TRIM66: variants seen among roughly 807,000 people sequenced by gnomAD.
TRIM66 encodes the protein tripartite motif-containing protein 66.
In TRIM66, 99 loss-of-function variants were observed where a neutral mutation model predicts 148.2. That is an observed-to-expected ratio of 0.67 (90% CI 0.57 to 0.79). The LOEUF is 0.79. Ranked by LOEUF, TRIM66 falls within the 30% of genes least tolerant of loss-of-function variation. The pLI is 0.00. For missense variants in TRIM66, 1,666 were observed against 1,697.9 expected (o/e 0.98, Z 0.33); for synonymous variants, 616 against 635.9 (o/e 0.97, Z 0.47).
chr11:8,627,998 T>C (rs896522671), intron 15 of TRIM66, among the ~76,000 whole-genome samples: 1 of 152,126 alleles, frequency 6.6e-6, no homozygotes. Context: ...TGGCTAACTT[T>C]TATTTTTTAT....
intron 6 of TRIM66, among the ~76,000 whole-genome samples, chr11:8,669,311 T>C (rs535765919): frequency 1.3e-5 from 2 of 152,292 alleles, no homozygotes; most frequent in African/African-American, 4.8e-5. Context: ...AAATCAATGG[T>C]AATACCTTGC....
intron 15 of TRIM66, among the ~76,000 whole-genome samples, chr11:8,630,533 G>A (rs192218329): frequency 6.6e-6 from 1 of 152,230 alleles, no homozygotes; most frequent in African/African-American, 2.4e-5. Context: ...CTAGTTCAGA[G>A]AGGAAGAGTC....
chr11:8,637,272 G>T (rs2035960448), intron 15 of TRIM66, among the ~76,000 whole-genome samples: 1 of 151,838 alleles, frequency 6.6e-6, no homozygotes, highest in African/African-American at 2.4e-5. Flanking sequence ...GCACCTAGTA[G>T]AATATGGGGC....
intron 23 of TRIM66, 192 bp downstream of exon 23, chr11:8,619,191 C>T: frequency 1.3e-6 from 1 of 744,910 alleles, no homozygotes; most frequent in Non-Finnish European, 2.1e-6. Context: ...TAGTACCTCC[C>T]CTTTTTCCTG....
chr11:8,652,901 G>A (rs2037486365), intron 6 of TRIM66, among the ~76,000 whole-genome samples: 1 of 152,166 alleles, frequency 6.6e-6, no homozygotes, highest in Non-Finnish European at 1.5e-5. Context: ...AAAATACCAG[G>A]CCTACCAGCC....
At chr11:8,677,774 C>T (rs551341171) in intron 3 of TRIM66, among the ~76,000 whole-genome samples, 35 of 152,208 alleles carry the variant, frequency 2.3e-4, no homozygotes, top group African/African-American at 7.2e-4. Flanking sequence ...TCTCTTTTCA[C>T]GTTTTGTTAC....
chr11:8,674,981 G>C (rs969398545), intron 3 of TRIM66, 98 bp from the exon 4 acceptor site: 1 of 152,226 alleles, frequency 6.6e-6, no homozygotes, highest in Non-Finnish European at 1.5e-5. Flanking sequence ...TTTCTTAAAT[G>C]TTATTTATAA....
intron 22 of TRIM66, among the ~76,000 whole-genome samples, chr11:8,619,760 T>C (rs970967611): frequency 6.6e-6 from 1 of 152,194 alleles, no homozygotes; most frequent in African/African-American, 2.4e-5. Flanking sequence ...ACAGTAGCAG[T>C]TGTGGTGGGG....
chr11:8,674,533 C>T (rs1209910095), intron 4 of TRIM66, among the ~76,000 whole-genome samples: 1 of 152,164 alleles, frequency 6.6e-6, no homozygotes, highest in African/African-American at 2.4e-5. Flanking sequence ...GCATGTGCCA[C>T]CACACCCGAC....
chr11:8,662,580 C>A (rs553935833), intron 6 of TRIM66, among the ~76,000 whole-genome samples: 3 of 152,262 alleles, frequency 2.0e-5, no homozygotes, highest in African/African-American at 7.2e-5. Flanking sequence ...TTAGAATTGC[C>A]CAGTCAATTA....
intron 6 of TRIM66, among the ~76,000 whole-genome samples, chr11:8,662,015 C>T (rs2038293702): frequency 6.6e-6 from 1 of 152,198 alleles, no homozygotes; most frequent in Non-Finnish European, 1.5e-5. Context: ...TTCTGGGGTG[C>T]CAGTGCTATT....
intron 10 of TRIM66, among the ~76,000 whole-genome samples, chr11:8,647,695 C>T (rs114901518): frequency 0.015 from 2,349 of 152,198 alleles, 69 homozygotes; most frequent in African/African-American, 0.054. Context: ...TCTCAAGCAC[C>T]GACTTCTGGC....
In TRIM66 at chr11:8,651,830, A is replaced by G. The variant is rs1323498740; in HGVS notation, c.414T>C (p.Cys138=). 1 of 1,551,798 alleles carries G rather than the reference A, an allele frequency of 6.4e-7. No homozygotes were observed. Among genetic ancestry groups the G allele is most frequent in the South Asian group, 1.2e-5 (1 of 84,060 alleles). Residue 138 remains cysteine, a synonymous_variant, in exon 7 of 25, where the codon TGT becomes TGC. Coordinates refer to ENST00000646038, the MANE Select transcript of TRIM66 (RefSeq NM_001388022.1). ...CCATCTTGGGTTGCTCAGTAGGAAC[A>G]CAATGCAGAAAAAAATGTTCAGTTA... The part of the protein sequence containing the change: ...RDVTEHFFLH[C]VPTEQPKMAR...
intron 7 of TRIM66, 89 bp from the exon 8 acceptor site, chr11:8,649,976 G>A (rs1281635731): frequency 2.1e-5 from 30 of 1,432,408 alleles, no homozygotes; most frequent in Non-Finnish European, 2.7e-5. Flanking sequence ...CAGGGGTCCT[G>A]CAGGCCTATT....
chr11:8,651,657 A>G (rs1306789832), intron 7 of TRIM66, 143 bp downstream of exon 7: 11 of 754,358 alleles, frequency 1.5e-5, no homozygotes, highest in Non-Finnish European at 2.6e-5. Flanking sequence ...ATTTTCTTCT[A>G]GATGGATGGA....
In TRIM66 at chr11:8,613,982, G is replaced by T. The variant is rs962609862; in HGVS notation, c.*3962C>A. On this transcript the variant is annotated 3_prime_UTR_variant, in exon 25 of 25. Transcript: ENST00000646038. ...GAATCTGTCATGCATAGCAGCCCAGGAGGTGGAAGCAGCAAATATGATGAT... is the reference window on the plus strand; with the variant it reads ...GAATCTGTCATGCATAGCAGCCCAGTAGGTGGAAGCAGCAAATATGATGAT... 1 of 152,292 alleles carries T rather than the reference G, an allele frequency of 6.6e-6. No homozygotes were observed. The highest frequency in any genetic ancestry group is 2.4e-5 in the African/African-American group (1 of 41,460). The allele number at this position is 152,292 out of a possible 1,614,324, so 9.4% of individuals were successfully genotyped here.
chr11:8,655,654 G>C (rs34867877), intron 6 of TRIM66, among the ~76,000 whole-genome samples: 87,887 of 151,894 alleles, frequency 0.58, 25,939 homozygotes, highest in Non-Finnish European at 0.64. Context: ...GTGGTGGTGG[G>C]CACCCTGTAA....
rs566203538 is a variant in TRIM66 at position 8,651,443 on chromosome 11, T to C, written c.444+357A>G. On this transcript the variant is annotated intron_variant, in intron 7 of 24. Coordinates refer to ENST00000646038, the MANE Select transcript of TRIM66 (RefSeq NM_001388022.1). ...TACATGAATTTCAACTCAGGATGAT[T>C]AAAAAAATAAAACAAAAGCCCAGTA... is the stretch of plus-strand genomic sequence containing the variant. Among the ~76,000 whole-genome samples, 9 of 151,944 alleles carry C rather than the reference T, an allele frequency of 5.9e-5. No homozygotes were observed. The East Asian group carries it at 9.7e-4, about 16-fold the overall frequency.
At chr11:8,657,017 C>G (rs1023236625) in intron 6 of TRIM66, among the ~76,000 whole-genome samples, 1 of 152,172 alleles carries the variant, frequency 6.6e-6, no homozygotes, top group African/African-American at 2.4e-5. Flanking sequence ...CTACCAAGAC[C>G]GCTGCTGGGA....
Sources: gnomAD v4.1 joint callset for allele counts (sites outside exome capture counted in the v4.1 genomes callset) on GRCh38, gnomAD v4.1.1 for gene constraint, MANE v1.5 for transcripts, NCBI Gene and HGNC (gene_info 2026-07-23, HGNC 2026-07-21) for gene names.